NMNAT2: variants seen among roughly 807,000 people sequenced by gnomAD.
The protein encoded by NMNAT2 is nicotinamide nucleotide adenylyltransferase 2.
In NMNAT2, 11 loss-of-function variants were observed where a neutral mutation model predicts 41.6. The observed-to-expected ratio is 0.26, with a 90% confidence interval of 0.17 to 0.44. The LOEUF (loss-of-function observed/expected upper bound fraction) is 0.44. Among genes scored for constraint, NMNAT2 ranks in the 20% least tolerant of loss-of-function variants. NMNAT2 has a pLI of 1.00. For missense variants in NMNAT2, 288 were observed against 407.7 expected (o/e 0.71, Z 2.53); for synonymous variants, 148 against 151.2 (o/e 0.98, Z 0.16).
At chr1:183,339,428 T>C (rs1662748436) in intron 1 of NMNAT2, among the ~76,000 whole-genome samples, 1 of 152,108 alleles carries the variant, frequency 6.6e-6, no homozygotes, top group Non-Finnish European at 1.5e-5. Flanking sequence ...CAGGGATGGG[T>C]ACCCAGAGTC....
At chr1:183,328,199 A>T (rs1462231319) in intron 1 of NMNAT2, among the ~76,000 whole-genome samples, 1 of 151,870 alleles carries the variant, frequency 6.6e-6, no homozygotes, top group Non-Finnish European at 1.5e-5. Flanking sequence ...AGGGAGAGGG[A>T]TCAGATGCCG....
intron 1 of NMNAT2, among the ~76,000 whole-genome samples, chr1:183,357,301 C>T (rs1663215823): frequency 7.2e-6 from 1 of 139,054 alleles, no homozygotes; most frequent in African/African-American, 2.7e-5. Flanking sequence ...ACGATCTTGG[C>T]TCACTGCAAG....
At chr1:183,261,429 G>T (rs146008510) in intron 8 of NMNAT2, 126 bp from the exon 9 acceptor site, 12 of 797,030 alleles carry the variant, frequency 1.5e-5, no homozygotes, top group Admixed American at 8.4e-5. Context: ...GTCCCAAACC[G>T]GCCTTCTTCT....
At chr1:183,285,417 T>A (rs1279905480) in intron 5 of NMNAT2, among the ~76,000 whole-genome samples, 1 of 152,214 alleles carries the variant, frequency 6.6e-6, no homozygotes, top group Non-Finnish European at 1.5e-5. Flanking sequence ...ATGCAGATGG[T>A]CTTCAGAATC....
intron 1 of NMNAT2, among the ~76,000 whole-genome samples, chr1:183,391,644 C>T (rs1281430892): frequency 6.6e-6 from 1 of 152,164 alleles, no homozygotes; most frequent in Non-Finnish European, 1.5e-5. Context: ...TAAATAGGTG[C>T]TCTCCATTAC....
chr1:183,327,333 G>A (rs764290139), intron 1 of NMNAT2, among the ~76,000 whole-genome samples: 1 of 152,166 alleles, frequency 6.6e-6, no homozygotes, highest in Non-Finnish European at 1.5e-5. Context: ...TGGGATTACA[G>A]GCATGAGCCA....
At chr1:183,280,947 G>A (rs1216089024) in intron 7 of NMNAT2, among the ~76,000 whole-genome samples, 4 of 151,096 alleles carry the variant, frequency 2.6e-5, no homozygotes, top group Non-Finnish European at 5.9e-5. Context: ...CACCACACCC[G>A]GCTAATTTTG....
chr1:183,257,591 A>G (rs78539389), intron 10 of NMNAT2, among the ~76,000 whole-genome samples: 5,962 of 152,256 alleles, frequency 0.039, 146 homozygotes, highest in South Asian at 0.12. Flanking sequence ...TCCTGATTCA[A>G]TCTTGCCAGA....
In NMNAT2 at chr1:183,418,164, G is replaced by C; in HGVS notation, c.85+19C>G. Reference sequence around the variant, plus strand: ...GAGAGGAGCGGAAGCGGCTTCCAGAGGTGGGCGGGAGGACTCACCAAACAT... The same window carrying C: ...GAGAGGAGCGGAAGCGGCTTCCAGACGTGGGCGGGAGGACTCACCAAACAT... On this transcript the variant is annotated intron_variant, in intron 1 of 10. Transcript: ENST00000287713. 6.2e-7 allele frequency: 1 copy of C among 1,610,356 alleles called. No homozygotes were observed.
intron 1 of NMNAT2, among the ~76,000 whole-genome samples, chr1:183,381,055 T>G (rs1663793373): frequency 6.6e-6 from 1 of 152,108 alleles, no homozygotes; most frequent in African/African-American, 2.4e-5. Flanking sequence ...AATGAGGAGC[T>G]GGATCAACCA....
At chr1:183,331,473 G>T (rs1452223687) in intron 1 of NMNAT2, among the ~76,000 whole-genome samples, 1 of 152,210 alleles carries the variant, frequency 6.6e-6, no homozygotes, top group Non-Finnish European at 1.5e-5. Context: ...GGCAGATTTG[G>T]TCTCCAACAA....
At chr1:183,338,149 T>TAAAAAAAA (rs59064477) in intron 1 of NMNAT2, among the ~76,000 whole-genome samples, 14 of 96,400 alleles carry the variant, frequency 1.5e-4, no homozygotes, top group South Asian at 8.6e-4. Flanking sequence ...CCCATCTCTT[T>TAAAAAAAA]AAAAAAAAAA....
chr1:183,293,664 G>T (rs910553570), intron 2 of NMNAT2, 41 bp downstream of exon 2: 1 of 1,406,720 alleles, frequency 7.1e-7, no homozygotes. Flanking sequence ...GGGATGGGGG[G>T]ACGGGGATTG....
chr1:183,357,458 T>C (rs1663220385), intron 1 of NMNAT2, among the ~76,000 whole-genome samples: 1 of 151,908 alleles, frequency 6.6e-6, no homozygotes. Flanking sequence ...CTCTATCTCC[T>C]GACCTCATGA....
chr1:183,387,281 C>A (rs1472161237), intron 1 of NMNAT2, among the ~76,000 whole-genome samples: 4 of 148,176 alleles, frequency 2.7e-5, no homozygotes, highest in Admixed American at 1.3e-4. Context: ...ATATTAATGA[C>A]CCTTGATTTG....
chr1:183,370,223 TAC>T (rs57569629), intron 1 of NMNAT2, among the ~76,000 whole-genome samples: 15,444 of 112,262 alleles, frequency 0.14, 903 homozygotes, highest in East Asian at 0.33. Context: ...TATCAACACA[TAC>T]ACACACACAC....
chr1:183,315,625 T>TA (rs1662229746), intron 1 of NMNAT2, among the ~76,000 whole-genome samples: 2 of 151,652 alleles, frequency 1.3e-5, no homozygotes, highest in Non-Finnish European at 2.9e-5. Flanking sequence ...CTACTAAAAA[T>TA]ACAAAAATTA....
intron 1 of NMNAT2, among the ~76,000 whole-genome samples, chr1:183,321,641 T>C (rs1214309262): frequency 6.6e-6 from 1 of 151,680 alleles, no homozygotes; most frequent in African/African-American, 2.4e-5. Context: ...GCTCCAGAGG[T>C]TGAGGTAGGA....
intron 1 of NMNAT2, among the ~76,000 whole-genome samples, chr1:183,342,225 C>T (rs1044711295): frequency 1.3e-5 from 2 of 151,964 alleles, no homozygotes; most frequent in African/African-American, 4.8e-5. Context: ...CAAAGTGGCT[C>T]ATGCCTGTAA....
Sources: allele counts gnomAD v4.1 joint callset (sites outside exome capture counted in the v4.1 genomes callset), GRCh38; gene constraint gnomAD v4.1.1; transcripts MANE v1.5; gene names NCBI Gene and HGNC (gene_info 2026-07-23, HGNC 2026-07-21).